CTNNBL1: variants seen among roughly 807,000 people sequenced by gnomAD.
CTNNBL1 encodes beta-catenin-like protein 1.
In CTNNBL1, 31 loss-of-function variants were observed where a neutral mutation model predicts 72.7. The ratio of observed to expected loss-of-function variants is 0.43; its 90% CI spans 0.32 to 0.58. The LOEUF is 0.58. Ranked by LOEUF, CTNNBL1 falls within the 20% of genes least tolerant of loss-of-function variation. CTNNBL1 has a pLI of 0.08. For missense variants in CTNNBL1, 534 were observed against 725.1 expected (o/e 0.74, Z 3.03); for synonymous variants, 240 against 267.3 (o/e 0.90, Z 1.00).
intron 11 of CTNNBL1, among the ~76,000 whole-genome samples, chr20:37,827,738 C>T (rs2072172542): frequency 6.6e-6 from 1 of 152,208 alleles, no homozygotes; most frequent in East Asian, 1.9e-4. Context: ...GCTTCTCCTC[C>T]AGTGTACATC....
At chr20:37,834,006 A>G (rs1427135695) in intron 11 of CTNNBL1, among the ~76,000 whole-genome samples, 1 of 152,224 alleles carries the variant, frequency 6.6e-6, no homozygotes, top group African/African-American at 2.4e-5. Context: ...ATAGGCATCA[A>G]TTGGCAACCT....
chr20:37,792,019 C>T (rs2073729862), intron 10 of CTNNBL1, among the ~76,000 whole-genome samples: 1 of 151,962 alleles, frequency 6.6e-6, no homozygotes. Flanking sequence ...TTTATTTGTT[C>T]CAGTAGTCTT....
chr20:37,842,504 A>G, intron 13 of CTNNBL1, 85 bp downstream of exon 13: 1 of 886,956 alleles, frequency 1.1e-6, no homozygotes, highest in Non-Finnish European at 1.9e-6. Flanking sequence ...CCCACAGGAT[A>G]GGTAAGGGCA....
chr20:37,727,102 T>A (rs575274236), intron 1 of CTNNBL1, among the ~76,000 whole-genome samples: 1 of 152,136 alleles, frequency 6.6e-6, no homozygotes, highest in Non-Finnish European at 1.5e-5. Context: ...GAGCTCAATA[T>A]AACTGCATGT....
intron 4 of CTNNBL1, chr20:37,751,436 A>C (rs1454910678): frequency 6.6e-6 from 1 of 152,220 alleles, no homozygotes; most frequent in East Asian, 1.9e-4. Flanking sequence ...GGGAGTGGTC[A>C]TTAACACTGT....
At chr20:37,753,051 G>C (rs1464916594) in intron 4 of CTNNBL1, among the ~76,000 whole-genome samples, 1 of 152,096 alleles carries the variant, frequency 6.6e-6, no homozygotes, top group Admixed American at 6.6e-5. Flanking sequence ...CATCAAGATT[G>C]AGAGTTTGTC....
At chr20:37,796,434 T>G (rs926996260) in intron 10 of CTNNBL1, among the ~76,000 whole-genome samples, 5 of 151,938 alleles carry the variant, frequency 3.3e-5, no homozygotes, top group Non-Finnish European at 7.4e-5. Flanking sequence ...TAAAAACCAT[T>G]GTTTTGTTCA....
chr20:37,734,058 T>A (rs1468961864), intron 2 of CTNNBL1, among the ~76,000 whole-genome samples: 2 of 152,264 alleles, frequency 1.3e-5, no homozygotes, highest in Non-Finnish European at 2.9e-5. Flanking sequence ...TCTGGCATTT[T>A]GTTCAATATG....
intron 1 of CTNNBL1, among the ~76,000 whole-genome samples, chr20:37,712,169 T>C (rs2072943986): frequency 6.6e-6 from 1 of 152,202 alleles, no homozygotes; most frequent in Non-Finnish European, 1.5e-5. Flanking sequence ...TCTAAACATT[T>C]AATCTGTGTT....
chr20:37,744,715 T>TATTG (rs1167060974), intron 3 of CTNNBL1: 4 of 152,166 alleles, frequency 2.6e-5, no homozygotes, highest in African/African-American at 7.2e-5. Context: ...GTTTGTCAGG[T>TATTG]ATTGGCTTCT....
chr20:37,836,080 C>T (rs6021257), intron 11 of CTNNBL1, among the ~76,000 whole-genome samples: 9 of 152,298 alleles, frequency 5.9e-5, no homozygotes, highest in African/African-American at 2.2e-4. Context: ...TTATTTTAAA[C>T]TCCATTGGTA....
chr20:37,819,416 C>T (rs193135749), intron 11 of CTNNBL1, among the ~76,000 whole-genome samples: 389 of 152,276 alleles, frequency 2.6e-3, no homozygotes, highest in Non-Finnish European at 4.1e-3. Context: ...TGTACATTTT[C>T]CTTTTTACTT....
intron 1 of CTNNBL1, among the ~76,000 whole-genome samples, chr20:37,729,224 A>T (rs1436126424): frequency 6.6e-6 from 1 of 152,220 alleles, no homozygotes; most frequent in Non-Finnish European, 1.5e-5. Context: ...CAGAGATCAG[A>T]TTCAACTTTG....
At chr20:37,784,139 T>C (rs1346748266) in intron 10 of CTNNBL1, among the ~76,000 whole-genome samples, 1 of 152,246 alleles carries the variant, frequency 6.6e-6, no homozygotes, top group Non-Finnish European at 1.5e-5. Flanking sequence ...TGTCTTGCTA[T>C]CTATTTTGTC....
intron 11 of CTNNBL1, among the ~76,000 whole-genome samples, chr20:37,827,081 TC>T (rs1232284663): frequency 6.6e-6 from 1 of 152,216 alleles, no homozygotes; most frequent in African/African-American, 2.4e-5. Context: ...GAACCTCCTA[TC>T]AATGGACTCA....
rs188934810 is a variant in CTNNBL1, at chr20:37,865,533, A to G, written c.1603+5189A>G. 2.4e-3 allele frequency among the ~76,000 whole-genome samples: 363 copies of G among 152,018 alleles called. 4 individuals are homozygous for G. Among genetic ancestry groups the G allele is most frequent in the African/African-American group, 8.3e-3 (344 of 41,426 alleles). On this transcript the variant is annotated intron_variant, in intron 15 of 15. Transcript: ENST00000361383. ...TCCCTCCCCCCAGCCCCTGGCAGCC[A>G]CTATTCTGCATTCTGTCTCTGTGGC...
intron 15 of CTNNBL1, among the ~76,000 whole-genome samples, chr20:37,867,717 G>GCACA (rs1031500581): frequency 6.6e-6 from 1 of 151,480 alleles, no homozygotes; most frequent in South Asian, 2.1e-4. Flanking sequence ...ACGCACACAC[G>GCACA]CACACACACA....
chr20:37,779,385 C>T, intron 10 of CTNNBL1, 50 bp downstream of exon 10: 6 of 1,591,734 alleles, frequency 3.8e-6, no homozygotes, highest in Non-Finnish European at 5.2e-6. Flanking sequence ...TGACTTTTCA[C>T]TGTTAGCCTG....
At chr20:37,734,034 G>A (rs1408620265) in intron 2 of CTNNBL1, among the ~76,000 whole-genome samples, 3 of 152,192 alleles carry the variant, frequency 2.0e-5, no homozygotes, top group Non-Finnish European at 2.9e-5. Context: ...GTGTTAACTT[G>A]TGTGTTATTT....
Sources: allele counts gnomAD v4.1 joint callset (sites outside exome capture counted in the v4.1 genomes callset), GRCh38; gene constraint gnomAD v4.1.1; transcripts MANE v1.5; gene names NCBI Gene and HGNC (gene_info 2026-07-23, HGNC 2026-07-21).